The following SERPINB12 variants were observed in gnomAD, a reference collection of about 807,000 sequenced individuals.
SERPINB12 encodes the protein serpin B12.
A neutral mutation model predicts 41.1 loss-of-function variants in SERPINB12; 57 were observed. That is an observed-to-expected ratio of 1.39 (90% CI 1.12 to 1.73). The LOEUF (loss-of-function observed/expected upper bound fraction) is 1.73. Among genes scored for constraint, SERPINB12 ranks in the 40% most tolerant of loss-of-function variants. The pLI is 0.00. For missense variants in SERPINB12, 536 were observed against 501.9 expected, an observed-to-expected ratio of 1.07 and a Z score of -0.65; for synonymous variants, 180 against 181.3, an observed-to-expected ratio of 0.99 and a Z score of 0.06.
the SERPINB12 span, among the ~76,000 whole-genome samples, chr18:63,531,171 T>C: frequency 6.6e-6 from 1 of 152,202 alleles, no homozygotes; most frequent in African/African-American, 2.4e-5. Context: ...TTGATAATTA[T>C]GAATCCATAC....
rs748071911 is a variant in SERPINB12 at position 63,566,681 on chromosome 18, C to G, written c.948C>G (p.Val316=). The G allele has an allele frequency of 2.7e-5, 43 of 1,613,942 alleles. No homozygotes were observed. Among genetic ancestry groups the G allele is most frequent in the Non-Finnish European group, 3.6e-5 (42 of 1,179,990 alleles). Residue 316 remains valine, a synonymous_variant, in exon 8 of 8, where the codon GTC becomes GTG. Transcript: ENST00000382768. ...SSENMSEESV[V]LSFPRFTLED... ...AAAACATGTCAGAAGAATCGGTGGT[C>G]CTGTCCTTCCCCCGGTTCACCCTGG...
At chr18:63,565,409 T>C (rs765138961) in intron 6 of SERPINB12, 36 bp from the exon 7 acceptor site, 10 of 1,592,168 alleles carry the variant, frequency 6.3e-6, no homozygotes, top group Non-Finnish European at 6.8e-6. Flanking sequence ...GAGTTTCCCA[T>C]AGCCGTCCTG....
intron 4 of SERPINB12, 133 bp from the exon 5 acceptor site, chr18:63,560,952 C>A (rs1568130366): frequency 4.5e-6 from 3 of 669,318 alleles, no homozygotes; most frequent in African/African-American, 1.8e-5. Flanking sequence ...TAGAAACTGT[C>A]AGGCCTGTCC....
At chr18:63,532,437 G>C in the SERPINB12 span, among the ~76,000 whole-genome samples, 4 of 152,174 alleles carry the variant, frequency 2.6e-5, no homozygotes, top group Admixed American at 2.0e-4. Flanking sequence ...TGAGGCAGAG[G>C]TCAGTTTCTG....
chr18:63,556,185 C>G lies in SERPINB12; in HGVS notation c.26C>G (p.Thr9Ser). 1.9e-6 allele frequency: 3 copies of G among 1,613,840 alleles called. No individual in the cohort carries two copies. The highest frequency in any genetic ancestry group is 2.5e-6 in the Non-Finnish European group (3 of 1,179,864). MDSLVTAN[T>S]KFCFDLFQEI... is the part of the protein sequence containing the mutation. ...ATGGACTCTCTTGTTACAGCAAACA[C>G]CAAATTTTGCTTTGATCTTTTTCAA... The change falls in exon 2 of 8, where the codon ACC becomes AGC. Residue 9 changes from threonine (T) to serine (S), a missense_variant. Transcript: ENST00000382768.
At chr18:63,530,110 A>T in the SERPINB12 span, among the ~76,000 whole-genome samples, 5 of 152,150 alleles carry the variant, frequency 3.3e-5, no homozygotes. Flanking sequence ...CTTCATTGGT[A>T]AATGATCTGG....
At chr18:63,555,024 A>C (rs1910630271) in intron 1 of SERPINB12, among the ~76,000 whole-genome samples, 2 of 151,974 alleles carry the variant, frequency 1.3e-5, no homozygotes, top group Admixed American at 6.6e-5. Flanking sequence ...TTCCGCCATG[A>C]TTGTAAGTTT....
At chr18:63,535,186 C>A in the SERPINB12 span, among the ~76,000 whole-genome samples, 1 of 152,012 alleles carries the variant, frequency 6.6e-6, no homozygotes, top group Non-Finnish European at 1.5e-5. Flanking sequence ...TTAGTGGATG[C>A]TAACATTTGA....
the SERPINB12 span, among the ~76,000 whole-genome samples, chr18:63,531,254 T>G: frequency 2.0e-5 from 3 of 152,210 alleles, no homozygotes; most frequent in African/African-American, 7.2e-5. Context: ...ATCACTAAGC[T>G]TGAGTTGCTG....
intron 4 of SERPINB12, among the ~76,000 whole-genome samples, chr18:63,560,627 T>C (rs894819200): frequency 1.3e-5 from 2 of 152,244 alleles, no homozygotes; most frequent in Non-Finnish European, 2.9e-5. Flanking sequence ...TAGCATTACT[T>C]ACATTCACAA....
At chr18:63,554,801 C>T (rs888742954) in intron 1 of SERPINB12, among the ~76,000 whole-genome samples, 15 of 152,170 alleles carry the variant, frequency 9.9e-5, no homozygotes, top group Non-Finnish European at 2.9e-5. Context: ...ACTCAAATCT[C>T]ATCACACATT....
chr18:63,525,140 G>C, the SERPINB12 span, among the ~76,000 whole-genome samples: 1 of 151,956 alleles, frequency 6.6e-6, no homozygotes, highest in Admixed American at 6.6e-5. Flanking sequence ...TTTCTCACAT[G>C]CTTACTGGTT....
At position 63,567,159 on chromosome 18, in the gene SERPINB12, T is replaced by C; in HGVS notation, c.*148T>C. 2.6e-6 allele frequency: 2 copies of C among 763,192 alleles called. No homozygotes were observed. Among genetic ancestry groups the C allele is most frequent in the South Asian group, 2.0e-5 (1 of 49,274 alleles). The allele number at this position is 763,192 out of a possible 1,614,324, so 47.3% of individuals were successfully genotyped here. On this transcript the variant is annotated 3_prime_UTR_variant, in exon 8 of 8. Coordinates refer to ENST00000382768, the MANE Select transcript of SERPINB12 (RefSeq NM_001307928.2). ...CGGCTTGTGCTTATCTTGATCTTTC[T>C]GTCACCCTGTAGCTTATTTTCATCT...
At chr18:63,563,268 T>A (rs1369798255) in intron 5 of SERPINB12, among the ~76,000 whole-genome samples, 1 of 152,254 alleles carries the variant, frequency 6.6e-6, no homozygotes, top group African/African-American at 2.4e-5. Context: ...ATATACCTTA[T>A]GCTATGTTGA....
At chr18:63,537,558 C>T (rs138712733), upstream of SERPINB12, among the ~76,000 whole-genome samples, 102 of 152,122 alleles carry the variant, frequency 6.7e-4, no homozygotes, top group African/African-American at 1.7e-3. Context: ...ACATTTGTTA[C>T]GAGTGTGGAT....
intron 1 of SERPINB12, among the ~76,000 whole-genome samples, chr18:63,544,210 A>G (rs1464664623): frequency 6.6e-6 from 1 of 152,214 alleles, no homozygotes; most frequent in Non-Finnish European, 1.5e-5. Flanking sequence ...GTTTCGTTCC[A>G]ATAAAACTTT....
At chr18:63,555,801 T>C (rs1393676852) in intron 1 of SERPINB12, among the ~76,000 whole-genome samples, 2 of 152,044 alleles carry the variant, frequency 1.3e-5, no homozygotes, top group Admixed American at 1.3e-4. Flanking sequence ...TCCTTGAGAG[T>C]CTTGAAATGA....
chr18:63,522,806 G>T, the SERPINB12 span, among the ~76,000 whole-genome samples: 1 of 151,998 alleles, frequency 6.6e-6, no homozygotes. Flanking sequence ...AATAACCATG[G>T]TTAAAAATCT....
At chr18:63,560,154 A>G (rs539736277) in intron 4 of SERPINB12, among the ~76,000 whole-genome samples, 2 of 152,212 alleles carry the variant, frequency 1.3e-5, no homozygotes, top group Admixed American at 1.3e-4. Context: ...TGTGTTCACT[A>G]TGCTCTTTTG....
Sources: allele counts gnomAD v4.1 joint callset (sites outside exome capture counted in the v4.1 genomes callset), GRCh38; gene constraint gnomAD v4.1.1; transcripts MANE v1.5; gene names NCBI Gene and HGNC (gene_info 2026-07-23, HGNC 2026-07-21).